Variants in LTBP1 observed in about 807,000 individuals in gnomAD.
The protein encoded by LTBP1 is latent transforming growth factor beta binding protein 1.
LTBP1 carries 129 observed loss-of-function variants against 207.6 expected under a neutral mutation model. The ratio of observed to expected loss-of-function variants is 0.62; its 90% CI spans 0.54 to 0.72. LTBP1 has a LOEUF of 0.72. Ranked by LOEUF, LTBP1 falls within the 30% of genes least tolerant of loss-of-function variation. The pLI, the probability that LTBP1 is intolerant of heterozygous loss-of-function variation, is 0.00. For synonymous variants in LTBP1, 963 were observed against 833.7 expected (o/e 1.16, Z -2.67); for missense variants, 2,281 against 2,217.2 (o/e 1.03, Z -0.58).
At chr2:32,962,501 C>G (rs1015518219) in intron 2 of LTBP1, among the ~76,000 whole-genome samples, 7 of 152,290 alleles carry the variant, frequency 4.6e-5, no homozygotes, top group African/African-American at 1.7e-4. Flanking sequence ...ACAATAGACC[C>G]TCAGTAAGGT....
At chr2:33,057,793 C>T (rs1456647940) in intron 3 of LTBP1, among the ~76,000 whole-genome samples, 1 of 152,232 alleles carries the variant, frequency 6.6e-6, no homozygotes, top group East Asian at 1.9e-4. Context: ...AGCCCCAGTT[C>T]CCGCCCATGC....
intron 26 of LTBP1, among the ~76,000 whole-genome samples, chr2:33,351,671 T>C: frequency 6.6e-6 from 1 of 152,200 alleles, no homozygotes; most frequent in East Asian, 1.9e-4. Context: ...TGAGCTTCTA[T>C]ATGGTAAACT....
intron 10 of LTBP1, among the ~76,000 whole-genome samples, chr2:33,246,800 C>T (rs531243097): frequency 1.1e-3 from 171 of 152,254 alleles, no homozygotes; most frequent in African/African-American, 3.8e-3. Context: ...CTCTCCTTGC[C>T]GCTTGCCTTG....
At chr2:32,961,367 G>A (rs1679080279) in intron 2 of LTBP1, among the ~76,000 whole-genome samples, 1 of 152,146 alleles carries the variant, frequency 6.6e-6, no homozygotes, top group East Asian at 1.9e-4. Flanking sequence ...TCACTATTGT[G>A]TTAAAAGTCA....
intron 13 of LTBP1, 66 bp from the exon 14 acceptor site, chr2:33,262,656 C>A: frequency 4.0e-6 from 3 of 746,140 alleles, no homozygotes; most frequent in East Asian, 3.1e-5. Context: ...ATGTGGGAAA[C>A]TAAAAATAAT....
chr2:33,036,571 C>A (rs1282684693), intron 3 of LTBP1, among the ~76,000 whole-genome samples: 1 of 152,056 alleles, frequency 6.6e-6, no homozygotes, highest in East Asian at 1.9e-4. Flanking sequence ...TATTCTCCTG[C>A]CTTAGCCTCC....
At chr2:33,119,194 A>G (rs2080960589) in intron 4 of LTBP1, among the ~76,000 whole-genome samples, 1 of 151,904 alleles carries the variant, frequency 6.6e-6, no homozygotes, top group African/African-American at 2.4e-5. Flanking sequence ...GAAAGGTAAT[A>G]CAAATGAATT....
intron 2 of LTBP1, among the ~76,000 whole-genome samples, chr2:32,980,723 C>T (rs1045946945): frequency 6.6e-6 from 1 of 152,142 alleles, no homozygotes; most frequent in African/African-American, 2.4e-5. Flanking sequence ...CCTTTTCTTT[C>T]AGATTGAAGG....
At chr2:32,980,115 T>C (rs1682531977) in intron 2 of LTBP1, among the ~76,000 whole-genome samples, 1 of 151,560 alleles carries the variant, frequency 6.6e-6, no homozygotes, top group Non-Finnish European at 1.5e-5. Flanking sequence ...TTTAAATGCA[T>C]TTAACCACTC....
chr2:33,139,065 A>T (rs2082415822), intron 5 of LTBP1, among the ~76,000 whole-genome samples: 1 of 151,422 alleles, frequency 6.6e-6, no homozygotes, highest in Non-Finnish European at 1.5e-5. Flanking sequence ...TCACCGTGTT[A>T]GCCAGGATGG....
At chr2:33,212,348 A>G (rs767774542) in intron 7 of LTBP1, among the ~76,000 whole-genome samples, 2 of 152,126 alleles carry the variant, frequency 1.3e-5, no homozygotes, top group African/African-American at 2.4e-5. Flanking sequence ...AACTCTAGAG[A>G]TGTGGAAATG....
chr2:33,160,137 C>T (rs953992725), intron 5 of LTBP1, among the ~76,000 whole-genome samples: 2 of 152,144 alleles, frequency 1.3e-5, no homozygotes, highest in Non-Finnish European at 2.9e-5. Flanking sequence ...CGTCGGCCTC[C>T]CAAAGTGCTA....
chr2:33,362,707 A>G (rs2094940440), intron 28 of LTBP1, among the ~76,000 whole-genome samples: 1 of 152,206 alleles, frequency 6.6e-6, no homozygotes, highest in Admixed American at 6.5e-5. Context: ...CCTTAGCTCT[A>G]AAATGCTAGA....
intron 23 of LTBP1, among the ~76,000 whole-genome samples, chr2:33,311,164 A>G (rs2149187855): frequency 6.6e-6 from 1 of 152,268 alleles, no homozygotes; most frequent in East Asian, 1.9e-4. Context: ...ATTACCGGTC[A>G]CACCCAGCCA....
In LTBP1 at chr2:33,182,687, G is replaced by GAGATATATAATATATATATATAT. The variant is rs1469125010; in HGVS notation, c.1202-4168_1202-4167insGATATATAATATATATATATATA. On this transcript the variant is annotated intron_variant, in intron 5 of 33. Coordinates refer to ENST00000404816, the MANE Select transcript of LTBP1 (RefSeq NM_206943.4). Reference sequence around the variant, plus strand: ...AAAAAAAAAAAGAAGAAAAGATGGTGATATATATATATACACACACACACA... The same window carrying GAGATATATAATATATATATATAT: ...AAAAAAAAAAAGAAGAAAAGATGGTGAGATATATAATATATATATATATATATATATATATACACACACACACA... Among the ~76,000 whole-genome samples, 110 of 66,680 alleles carry GAGATATATAATATATATATATAT rather than the reference G, an allele frequency of 1.6e-3. 2 individuals carry two copies. The highest frequency in any genetic ancestry group is 3.0e-3 in the Non-Finnish European group (93 of 30,978). The allele number at this position is 66,680 out of a possible 152,430, so 43.7% of individuals were successfully genotyped here.
intron 31 of LTBP1, among the ~76,000 whole-genome samples, chr2:33,371,678 A>G (rs958152939): frequency 3.3e-5 from 5 of 152,206 alleles, no homozygotes; most frequent in Admixed American, 6.5e-5. Context: ...ATGATAACTA[A>G]CATATACATA....
intron 1 of LTBP1, among the ~76,000 whole-genome samples, chr2:32,948,038 G>A (rs572041742): frequency 4.6e-5 from 7 of 152,230 alleles, no homozygotes; most frequent in Non-Finnish European, 1.0e-4. Flanking sequence ...CGAGTGCATT[G>A]TTACCGAGCT....
chr2:33,357,579 C>T (rs1022165968), intron 26 of LTBP1, among the ~76,000 whole-genome samples: 2 of 152,128 alleles, frequency 1.3e-5, no homozygotes, highest in East Asian at 1.9e-4. Context: ...CTCTGGATCA[C>T]ATGAAAAGGC....
chr2:33,378,650 G>A (rs1437249207), intron 31 of LTBP1, among the ~76,000 whole-genome samples: 2 of 152,148 alleles, frequency 1.3e-5, no homozygotes, highest in African/African-American at 4.8e-5. Flanking sequence ...GAAAATCACT[G>A]TGCATAATTG....
Sources: allele counts gnomAD v4.1 joint callset (sites outside exome capture counted in the v4.1 genomes callset), GRCh38; gene constraint gnomAD v4.1.1; transcripts MANE v1.5; gene names NCBI Gene and HGNC (gene_info 2026-07-23, HGNC 2026-07-21).